Variants in NT5DC1 observed in about 807,000 individuals in gnomAD.
NT5DC1 encodes the protein 5'-nucleotidase domain containing 1, also known as 5'-nucleotidase domain-containing protein 1.
In NT5DC1, 42 loss-of-function variants were observed where a neutral mutation model predicts 59.4. The observed-to-expected ratio is 0.71, with a 90% CI of 0.55 to 0.92. The LOEUF (loss-of-function observed/expected upper bound fraction) is 0.92. Ranked by LOEUF, NT5DC1 falls within the 40% of genes least tolerant of loss-of-function variation. The probability of loss-of-function intolerance (pLI) is 0.00; values close to 1 mark genes in which losing one functional copy is unlikely to be tolerated. For missense variants in NT5DC1, 501 were observed against 537.1 expected (o/e 0.93, Z 0.66); for synonymous variants, 172 against 188.1 (o/e 0.91, Z 0.70).
chr6:116,236,261 A>C (rs916020052), intron 8 of NT5DC1, among the ~76,000 whole-genome samples: 3 of 152,170 alleles, frequency 2.0e-5, no homozygotes, highest in Admixed American at 1.3e-4. Flanking sequence ...ACCTTACTCA[A>C]TCTTCCTTAA....
intron 6 of NT5DC1, among the ~76,000 whole-genome samples, chr6:116,123,018 G>C (rs1779181625): frequency 1.3e-5 from 2 of 152,148 alleles, no homozygotes; most frequent in Non-Finnish European, 2.9e-5. Context: ...AGTGGATATT[G>C]ATATATTGCA....
At chr6:116,210,881 A>G (rs1444302056) in intron 6 of NT5DC1, among the ~76,000 whole-genome samples, 3 of 152,022 alleles carry the variant, frequency 2.0e-5, no homozygotes, top group Non-Finnish European at 4.4e-5. Flanking sequence ...CAGGAATCAC[A>G]TAGAAGTATT....
chr6:116,215,776 T>C (rs1272131945), intron 6 of NT5DC1, among the ~76,000 whole-genome samples: 1 of 152,138 alleles, frequency 6.6e-6, no homozygotes, highest in East Asian at 1.9e-4. Flanking sequence ...GCAGACAATA[T>C]GGCGTGGTGG....
At chr6:116,193,089 T>C (rs1781153043) in intron 6 of NT5DC1, among the ~76,000 whole-genome samples, 2 of 152,106 alleles carry the variant, frequency 1.3e-5, no homozygotes, top group Non-Finnish European at 2.9e-5. Flanking sequence ...CAGACTCTCA[T>C]ATATTACCTG....
At chr6:116,219,547 A>G (rs75281402) in intron 6 of NT5DC1, among the ~76,000 whole-genome samples, 6,254 of 152,172 alleles carry the variant, frequency 0.041, 436 homozygotes, top group African/African-American at 0.14. Flanking sequence ...GGAAGATGAA[A>G]CCCGAAACAA....
chr6:116,121,356 G>C lies in NT5DC1; in HGVS notation c.529+3411G>C. 4 of 1,614,042 alleles carry C rather than the reference G, an allele frequency of 2.5e-6. No homozygotes were observed. In the South Asian group the frequency reaches 3.3e-5, roughly 13 times the overall value. ...CCTTCTGGCCCTCGTTCCCCAGGAG[G>C]GCCTTGGGGACCTGGTGGGCCAATT... On this transcript the variant is annotated intron_variant, in intron 6 of 11. Coordinates refer to ENST00000319550, the MANE Select transcript of NT5DC1 (RefSeq NM_152729.3).
intron 6 of NT5DC1, among the ~76,000 whole-genome samples, chr6:116,165,084 G>A (rs1382767322): frequency 6.5e-5 from 8 of 123,860 alleles, no homozygotes; most frequent in Non-Finnish European, 1.1e-4. Context: ...GCGACAGAGC[G>A]AGACTCCGTC....
chr6:116,113,036 G>T (rs1436727899), intron 4 of NT5DC1, among the ~76,000 whole-genome samples: 2 of 152,198 alleles, frequency 1.3e-5, no homozygotes, highest in East Asian at 3.9e-4. Flanking sequence ...CCTAACATAA[G>T]AACAGTGTTC....
intron 6 of NT5DC1, among the ~76,000 whole-genome samples, chr6:116,176,803 C>G (rs189068798): frequency 6.6e-6 from 1 of 152,242 alleles, no homozygotes; most frequent in Admixed American, 6.5e-5. Flanking sequence ...ATTTGTTGTT[C>G]CCCCTAGAGG....
At chr6:116,232,229 T>G (rs904809661) in intron 8 of NT5DC1, among the ~76,000 whole-genome samples, 15 of 152,178 alleles carry the variant, frequency 9.9e-5, no homozygotes, top group African/African-American at 3.6e-4. Context: ...CATCTCTAAA[T>G]AGTCACATTC....
intron 6 of NT5DC1, among the ~76,000 whole-genome samples, chr6:116,210,756 T>G (rs1197669176): frequency 6.6e-6 from 1 of 151,754 alleles, no homozygotes; most frequent in Non-Finnish European, 1.5e-5. Flanking sequence ...AAATAAATGT[T>G]AATGCCATAG....
intron 6 of NT5DC1, among the ~76,000 whole-genome samples, chr6:116,167,557 A>C (rs1361138798): frequency 6.6e-6 from 1 of 152,170 alleles, no homozygotes; most frequent in Non-Finnish European, 1.5e-5. Context: ...TTTTGATACC[A>C]GTTATTTGTA....
chr6:116,134,699 TAAC>T, intron 6 of NT5DC1, among the ~76,000 whole-genome samples: 1 of 152,328 alleles, frequency 6.6e-6, no homozygotes, highest in Admixed American at 6.5e-5. Context: ...GTCCTAGTAT[TAAC>T]AACTTCTTCC....
intron 6 of NT5DC1, among the ~76,000 whole-genome samples, chr6:116,150,006 C>T (rs1004869973): frequency 6.6e-6 from 1 of 152,166 alleles, no homozygotes; most frequent in Non-Finnish European, 1.5e-5. Flanking sequence ...CATCTGCCCC[C>T]CAAAGTACTG....
intron 6 of NT5DC1, among the ~76,000 whole-genome samples, chr6:116,145,050 GA>G (rs1223075198): frequency 6.6e-6 from 1 of 152,150 alleles, no homozygotes; most frequent in African/African-American, 2.4e-5. Flanking sequence ...TGATACATGA[GA>G]AATGGAATGC....
At chr6:116,102,765 A>G (rs1778686344) in intron 1 of NT5DC1, among the ~76,000 whole-genome samples, 1 of 151,892 alleles carries the variant, frequency 6.6e-6, no homozygotes, top group African/African-American at 2.4e-5. Context: ...GCACCATGCT[A>G]GAGCTGAGGA....
chr6:116,243,833 G>T, intron 11 of NT5DC1, 76 bp from the exon 12 acceptor site: 2 of 594,716 alleles, frequency 3.4e-6, no homozygotes, highest in South Asian at 4.8e-5. Context: ...TTTTATTAGT[G>T]AATATCAAGT....
At chr6:116,156,974 T>C (rs1349525400) in intron 6 of NT5DC1, among the ~76,000 whole-genome samples, 1 of 152,124 alleles carries the variant, frequency 6.6e-6, no homozygotes, top group Non-Finnish European at 1.5e-5. Flanking sequence ...TGCTGCATTT[T>C]CCTCATCATA....
At chr6:116,135,758 A>G (rs566835472) in intron 6 of NT5DC1, among the ~76,000 whole-genome samples, 20 of 148,466 alleles carry the variant, frequency 1.3e-4, no homozygotes, top group African/African-American at 3.7e-4. Flanking sequence ...AGCTTAAAAA[A>G]TTTTTTTTCT....
Sources: gnomAD v4.1 joint callset for allele counts (sites outside exome capture counted in the v4.1 genomes callset) on GRCh38, gnomAD v4.1.1 for gene constraint, MANE v1.5 for transcripts, NCBI Gene and HGNC (gene_info 2026-07-23, HGNC 2026-07-21) for gene names.